Variants in RFTN1 observed in about 807,000 individuals in gnomAD.
RFTN1 encodes raftlin.
In RFTN1, 26 loss-of-function variants were observed where a neutral mutation model predicts 46.5. The ratio of observed to expected loss-of-function variants is 0.56; its 90% confidence interval spans 0.41 to 0.78. The LOEUF is 0.78. RFTN1 is among the 30% of genes least tolerant of loss of function. RFTN1 has a pLI of 0.00. For missense variants in RFTN1, 693 were observed against 718.7 expected (o/e 0.96, Z 0.41); for synonymous variants, 261 against 284.2 (o/e 0.92, Z 0.82).
chr3:16,373,796 T>C (rs2073625616), intron 5 of RFTN1, among the ~76,000 whole-genome samples: 2 of 152,142 alleles, frequency 1.3e-5, no homozygotes, highest in African/African-American at 4.8e-5. Flanking sequence ...GACTGCAGGC[T>C]GCTGAGGTCA....
At chr3:16,471,025 C>A (rs2076185569) in intron 2 of RFTN1, among the ~76,000 whole-genome samples, 1 of 152,190 alleles carries the variant, frequency 6.6e-6, no homozygotes, top group Admixed American at 6.5e-5. Flanking sequence ...GTTTCACATA[C>A]ACTACCTCTA....
chr3:16,499,758 G>A lies in RFTN1; in HGVS notation c.-8-5881C>T, dbSNP rs959021040. Among the ~76,000 whole-genome samples, 2 of 152,214 alleles carry A rather than the reference G, an allele frequency of 1.3e-5. No individual in the cohort carries two copies. The highest frequency in any genetic ancestry group is 4.8e-5 in the African/African-American group (2 of 41,446). ...AAGTTGGCCTGCTTTTAAGGTCCCT[G>A]TTACAGCCATTCACCCTTTGAAGGG... On this transcript the variant is annotated intron_variant, in intron 1 of 9. Coordinates refer to ENST00000334133, the MANE Select transcript of RFTN1 (RefSeq NM_015150.2). The surrounding 1 kb of genome is among the most constrained non-coding windows in gnomAD (Gnocchi z 4.9).
rs1409430949 is a variant in RFTN1, at chr3:16,341,411, C to T, written c.1147-14535G>A. 6.6e-6 allele frequency among the ~76,000 whole-genome samples: 1 copy of T among 152,184 alleles called. No individual in the cohort carries two copies. The highest frequency in any genetic ancestry group is 1.5e-5 in the Non-Finnish European group (1 of 68,044). On this transcript the variant is annotated intron_variant, in intron 7 of 9. Transcript: ENST00000334133. The surrounding 1 kb of genome is among the most constrained non-coding windows in gnomAD (Gnocchi z 4.7). ...AAAACTTGGAAGCAACCAAGATGCC[C>T]TTCAGTAACTGACAGAGAAACTGCA... is the stretch of plus-strand genomic sequence containing the variant.
rs1187999250 is a variant in RFTN1, at chr3:16,442,993, T to C, written c.146-8956A>G. Among the ~76,000 whole-genome samples, 1 of 152,270 alleles carries C rather than the reference T, an allele frequency of 6.6e-6. No homozygotes were observed. Among genetic ancestry groups the C allele is most frequent in the Non-Finnish European group, 1.5e-5 (1 of 68,042 alleles). On this transcript the variant is annotated intron_variant, in intron 2 of 9. Transcript: ENST00000334133. This position sits in a 1 kb window ranked among gnomAD's most constrained non-coding sequence, Gnocchi z 4.1. ...ATCCAATCATCTATTGATGGACATGTAGGTTGTTTCCATATCCTGGCTATT... is the reference window on the plus strand; with the variant it reads ...ATCCAATCATCTATTGATGGACATGCAGGTTGTTTCCATATCCTGGCTATT...
intron 4 of RFTN1, among the ~76,000 whole-genome samples, chr3:16,398,239 T>G (rs1258211055): frequency 1.8e-5 from 2 of 109,768 alleles, no homozygotes; most frequent in East Asian, 4.7e-4. Context: ...AGAGAAAGAC[T>G]GTCTCAAAAA....
At chr3:16,331,802 T>C (rs148741802) in intron 7 of RFTN1, among the ~76,000 whole-genome samples, 32 of 152,370 alleles carry the variant, frequency 2.1e-4, no homozygotes, top group African/African-American at 7.2e-4. Flanking sequence ...GCACATCCTG[T>C]AGTGACTCTC....
rs2075201006 is a variant in RFTN1, at chr3:16,422,342, G to C, written c.332+11509C>G. Among the ~76,000 whole-genome samples, 1 of 151,958 alleles carries C rather than the reference G, an allele frequency of 6.6e-6. No homozygotes were observed. Among genetic ancestry groups the C allele is most frequent in the African/African-American group, 2.4e-5 (1 of 41,374 alleles). The stretch of plus-strand genomic sequence containing the variant: ...GTTATCAAGATCCTAAAAAAGAATA[G>C]TGCCCTGGCCGGGTGTGGTGGCTCA... On this transcript the variant is annotated intron_variant, in intron 3 of 9. Transcript: ENST00000334133. This position sits in a 1 kb window ranked among gnomAD's most constrained non-coding sequence, Gnocchi z 4.6.
intron 4 of RFTN1, among the ~76,000 whole-genome samples, chr3:16,396,787 G>C (rs2074478491): frequency 6.6e-6 from 1 of 152,204 alleles, no homozygotes; most frequent in Non-Finnish European, 1.5e-5. Context: ...AGAGGACTGA[G>C]CGCAGTGGCT....
chr3:16,449,519 C>T lies in RFTN1; in HGVS notation c.146-15482G>A, dbSNP rs1438091443. On this transcript the variant is annotated intron_variant, in intron 2 of 9. Transcript: ENST00000334133. This position sits in a 1 kb window ranked among gnomAD's most constrained non-coding sequence, Gnocchi z 5.1. ...CTAGAACTGCACCTGGAACTGGTAA[C>T]TCCTCCATACACGGGAGCTGCTAAA... Among the ~76,000 whole-genome samples the T allele has an allele frequency of 6.6e-6, 1 of 152,242 alleles. No homozygotes were observed. The highest frequency in any genetic ancestry group is 6.5e-5 in the Admixed American group (1 of 15,288).
rs1045823772 is a variant in RFTN1 at position 16,440,313 on chromosome 3, T to G, written c.146-6276A>C. ...TCCGCCTTCTGGACTCAAGTGATCC[T>G]CCTGCCTCAGCCCCCTGAGTAGCTG... On this transcript the variant is annotated intron_variant, in intron 2 of 9. Transcript: ENST00000334133. This position sits in a 1 kb window ranked among gnomAD's most constrained non-coding sequence, Gnocchi z 4.6. 2.0e-5 allele frequency among the ~76,000 whole-genome samples: 3 copies of G among 152,202 alleles called. No individual in the cohort carries two copies. The highest frequency in any genetic ancestry group is 7.2e-5 in the African/African-American group (3 of 41,438).
Position 16,474,602 on chromosome 3 carries a change from T to C in RFTN1, c.145+19123A>G, listed in dbSNP as rs1248128386. Among the ~76,000 whole-genome samples, 2 of 151,090 alleles carry C rather than the reference T, an allele frequency of 1.3e-5. No individual in the cohort carries two copies. Among genetic ancestry groups the C allele is most frequent in the East Asian group, 3.9e-4 (2 of 5,142 alleles). On this transcript the variant is annotated intron_variant, in intron 2 of 9. Transcript: ENST00000334133. This position sits in a 1 kb window ranked among gnomAD's most constrained non-coding sequence, Gnocchi z 5.5. ...CCACTTTAAAGCACTCAAGGAGAGG[T>C]GAAGAAAAAAAAAATAGGCTCCCCT...
chr3:16,367,346 T>C (rs1192590986), intron 6 of RFTN1, among the ~76,000 whole-genome samples: 2 of 152,088 alleles, frequency 1.3e-5, no homozygotes, highest in Non-Finnish European at 2.9e-5. Context: ...AACGGAAACC[T>C]TGGACTTTTC....
At chr3:16,493,200 A>G (rs1462676421) in intron 2 of RFTN1, among the ~76,000 whole-genome samples, 1 of 151,236 alleles carries the variant, frequency 6.6e-6, no homozygotes, top group Non-Finnish European at 1.5e-5. Flanking sequence ...CTTGGCTCAC[A>G]CATGATTTTC....
chr3:16,469,784 T>A (rs905163890), intron 2 of RFTN1, among the ~76,000 whole-genome samples: 2 of 152,198 alleles, frequency 1.3e-5, no homozygotes, highest in African/African-American at 4.8e-5. Flanking sequence ...CAGCACTGAC[T>A]GGACACAAAG....
chr3:16,367,681 C>T lies in RFTN1; in HGVS notation c.1030+2395G>A, dbSNP rs186772905. ...GGAGGCTATAACAGTATTTCAAACA[C>T]TCAAGTCAAATCTGAAGAAAAAGCT... On this transcript the variant is annotated intron_variant, in intron 6 of 9. Transcript: ENST00000334133. 2.2e-3 allele frequency among the ~76,000 whole-genome samples: 342 copies of T among 152,306 alleles called. 1 individual carries two copies. The highest frequency in any genetic ancestry group is 3.5e-3 in the Non-Finnish European group (237 of 68,020).
chr3:16,435,996 C>T (rs1288861428), intron 2 of RFTN1, among the ~76,000 whole-genome samples: 2 of 149,566 alleles, frequency 1.3e-5, no homozygotes, highest in Non-Finnish European at 3.0e-5. Flanking sequence ...GTGCTATTTC[C>T]CCCATAGAGT....
rs535059686 is a variant in RFTN1, at chr3:16,321,492, C to T, written c.1332+1884G>A. On this transcript the variant is annotated intron_variant, in intron 9 of 9. Coordinates refer to ENST00000334133, the MANE Select transcript of RFTN1 (RefSeq NM_015150.2). This position sits in a 1 kb window ranked among gnomAD's most constrained non-coding sequence, Gnocchi z 4.8. ...AGTGACTCTCGGTCACCAGGGGACA[C>T]AGGCCTGTGGGAGTAGGACGCTGAC... Among the ~76,000 whole-genome samples the T allele has an allele frequency of 1.4e-4, 21 of 152,260 alleles. No individual in the cohort carries two copies. The highest frequency in any genetic ancestry group is 5.1e-4 in the African/African-American group (21 of 41,550).
chr3:16,437,954 C>G (rs2075548230), intron 2 of RFTN1, among the ~76,000 whole-genome samples: 1 of 152,160 alleles, frequency 6.6e-6, no homozygotes, highest in African/African-American at 2.4e-5. Context: ...ATTTGAAAAA[C>G]TGAATGTACT....
At position 16,459,763 on chromosome 3, in the gene RFTN1, A is replaced by ATTAGCC. The variant is rs1559357903; in HGVS notation, c.146-25727_146-25726insGGCTAA. 6.6e-6 allele frequency among the ~76,000 whole-genome samples: 1 copy of ATTAGCC among 152,160 alleles called. No individual in the cohort carries two copies. The highest frequency in any genetic ancestry group is 2.4e-5 in the African/African-American group (1 of 41,406). On this transcript the variant is annotated intron_variant, in intron 2 of 9. Transcript: ENST00000334133. The surrounding 1 kb of genome is among the most constrained non-coding windows in gnomAD (Gnocchi z 4.2). ...TCAATATCATCATGTTATAGAAAAA[A>ATTAGCC]GTTGAAAAAGGAACATATTATAGAA...
Sources: allele counts gnomAD v4.1 joint callset (sites outside exome capture counted in the v4.1 genomes callset), GRCh38; gene constraint gnomAD v4.1.1; non-coding constraint Gnocchi (gnomAD v3.1); transcripts MANE v1.5; gene names NCBI Gene and HGNC (gene_info 2026-07-23, HGNC 2026-07-21).